TEX19: variants seen among roughly 807,000 people sequenced by gnomAD.
TEX19 encodes the protein testis-expressed protein 19.
For missense variants in TEX19, 184 were observed against 194.4 expected, an observed-to-expected ratio of 0.95 and a Z score of 0.32; for synonymous variants, 77 against 73.9, an observed-to-expected ratio of 1.04 and a Z score of -0.21.
At chr17:82,360,431 A>G (rs1235959586) in intron 1 of TEX19, among the ~76,000 whole-genome samples, 2 of 94,656 alleles carry the variant, frequency 2.1e-5, no homozygotes, top group African/African-American at 9.6e-5. Flanking sequence ...AGTTTCCCTC[A>G]GGTTCCCCCA....
rs868177850 is a variant in TEX19, at chr17:82,362,172, C to T, written c.22C>T (p.Arg8Trp). The change falls in exon 2 of 2, where the codon CGG becomes TGG. Residue 8 changes from arginine (R) to tryptophan (W), a missense_variant. Arg to Trp is a moderately radical substitution (Grantham distance 101). Transcript: ENST00000333437. This position sits in a 1 kb window ranked among gnomAD's most constrained non-coding sequence, Gnocchi z 5.5. Reference protein sequence around the residue: MCPPVSMRYEEEGMSYLY... With the variant: MCPPVSMWYEEEGMSYLY... ...GGCCATGTGCCCTCCGGTCAGCATG[C>T]GGTATGAGGAAGAGGGCATGTCCTA... 9.3e-6 allele frequency: 15 copies of T among 1,610,560 alleles called. No homozygotes were observed. The highest frequency in any genetic ancestry group is 6.7e-5 in the Admixed American group (4 of 59,922).
In TEX19 at chr17:82,362,060, A is replaced by C; in HGVS notation, c.-91A>C. Reference sequence around the variant, plus strand: ...CTTCATCCCTGCCGCCCAGCATCCTACTGGCCTCAGCACCTGTGGCCAGAC... The same window carrying C: ...CTTCATCCCTGCCGCCCAGCATCCTCCTGGCCTCAGCACCTGTGGCCAGAC... On this transcript the variant is annotated 5_prime_UTR_variant, in exon 2 of 2. Coordinates refer to ENST00000333437, the MANE Select transcript of TEX19 (RefSeq NM_207459.4). This position sits in a 1 kb window ranked among gnomAD's most constrained non-coding sequence, Gnocchi z 5.5. 6.8e-7 allele frequency: 1 copy of C among 1,478,136 alleles called. No homozygotes were observed. Among genetic ancestry groups the C allele is most frequent in the South Asian group, 1.3e-5 (1 of 75,510 alleles). The allele number at this position is 1,478,136 out of a possible 1,614,324, so 91.6% of individuals were successfully genotyped here. A position where few individuals can be genotyped will look rare whatever the true frequency, so the allele number is the denominator to read the frequency against.
At position 82,362,156 on chromosome 17, in the gene TEX19, C is replaced by A; in HGVS notation, c.6C>A (p.Cys2Ter). The stretch of plus-strand genomic sequence containing the variant: ...AGTAGGCAGGCAGCCTGGCCATGTG[C>A]CCTCCGGTCAGCATGCGGTATGAGG... M[C>*]PPVSMRYEEE... Residue 2 changes from cysteine (C) to a stop codon, truncating the protein, a stop_gained, in exon 2 of 2, where the codon TGC becomes TGA. Transcript: ENST00000333437. LOFTEE classifies it low-confidence loss of function (END_TRUNC). This position sits in a 1 kb window ranked among gnomAD's most constrained non-coding sequence, Gnocchi z 5.5. 6.2e-7 allele frequency: 1 copy of A among 1,603,806 alleles called. No individual in the cohort carries two copies. The highest frequency in any genetic ancestry group is 1.1e-5 in the South Asian group (1 of 89,560).
chr17:82,361,589 A>AT (rs1555608304), intron 1 of TEX19: 1 of 974,068 alleles, frequency 1.0e-6, no homozygotes, highest in African/African-American at 1.8e-5. Flanking sequence ...GGTTCCCTCA[A>AT]TTTCCATCAG....
At chr17:82,361,831 C>G (rs1351528000) in intron 1 of TEX19, 49 bp from the exon 2 acceptor site, 8 of 1,066,850 alleles carry the variant, frequency 7.5e-6, no homozygotes, top group Non-Finnish European at 8.2e-6. Context: ...CAGTTTGCCC[C>G]CACCCTGCCT....
Position 82,362,726 on chromosome 17 carries a change from C to G in TEX19, c.*81C>G, listed in dbSNP as rs935634766. 6.7e-7 allele frequency: 1 copy of G among 1,487,132 alleles called. No individual in the cohort carries two copies. The highest frequency in any genetic ancestry group is 9.0e-7 in the Non-Finnish European group (1 of 1,115,616). The allele number at this position is 1,487,132 out of a possible 1,614,324, so 92.1% of individuals were successfully genotyped here. On this transcript the variant is annotated 3_prime_UTR_variant, in exon 2 of 2. Coordinates refer to ENST00000333437, the MANE Select transcript of TEX19 (RefSeq NM_207459.4). This position sits in a 1 kb window ranked among gnomAD's most constrained non-coding sequence, Gnocchi z 5.5. ...GCATTACCTGGGCAGTGGACCCTGC[C>G]GAGGCTGAGGCCTAGTTACTGGCCC...
chr17:82,359,843 A>AGGTTCCCCC (rs2052366081), intron 1 of TEX19, among the ~76,000 whole-genome samples: 2 of 50,558 alleles, frequency 4.0e-5, no homozygotes, highest in Non-Finnish European at 3.6e-5. Context: ...AGTTTCCCTC[A>AGGTTCCCCC]AGTTCCCCTC....
intron 1 of TEX19, 155 bp from the exon 2 acceptor site, chr17:82,361,725 C>A (rs2052396356): frequency 1.0e-6 from 1 of 985,266 alleles, no homozygotes. Flanking sequence ...GATGGAGGAA[C>A]TGAAGGCCTC....
chr17:82,361,811 C>A, intron 1 of TEX19, 69 bp from the exon 2 acceptor site: 1 of 1,096,472 alleles, frequency 9.1e-7, no homozygotes, highest in Non-Finnish European at 1.1e-6. Flanking sequence ...CCTGCCCCTG[C>A]TGGTCCCCAC....
chr17:82,361,761 G>A lies in TEX19; in HGVS notation c.-271-119G>A, dbSNP rs1599669327. ...CCAGCCCCGGTGCTGTTCAAACTGA[G>A]CAGGGTCCCCACTAAAGGGCCAGTC... On this transcript the variant is annotated intron_variant, in intron 1 of 1. Coordinates refer to ENST00000333437, the MANE Select transcript of TEX19 (RefSeq NM_207459.4). 22 of 1,054,888 alleles carry A rather than the reference G, an allele frequency of 2.1e-5. No individual in the cohort carries two copies. In the South Asian group the frequency reaches 6.4e-4, roughly 31 times the overall value. The allele number at this position is 1,054,888 out of a possible 1,614,324, so 65.3% of individuals were successfully genotyped here.
intron 1 of TEX19, among the ~76,000 whole-genome samples, chr17:82,360,731 C>A (rs1188628525): frequency 8.4e-6 from 1 of 119,026 alleles, no homozygotes; most frequent in East Asian, 2.7e-4. Flanking sequence ...CTCAAGTTTC[C>A]CTCAGGTTCC....
Position 82,361,972 on chromosome 17 carries a change from G to C in TEX19, c.-179G>C. ...CAGGTCCCCACTGAGCTGGGACCCA[G>C]GTCATCCACCCCACCCCAAATCCCT... On this transcript the variant is annotated 5_prime_UTR_variant, in exon 2 of 2. Transcript: ENST00000333437. 2.3e-6 allele frequency: 2 copies of C among 879,446 alleles called. No individual in the cohort carries two copies. The highest frequency in any genetic ancestry group is 3.4e-6 in the Non-Finnish European group (2 of 594,144). 54.5% of individuals were successfully genotyped at this position (879,446 alleles called of 1,614,324 possible).
At chr17:82,360,045 C>T (rs190109034) in intron 1 of TEX19, among the ~76,000 whole-genome samples, 135 of 109,688 alleles carry the variant, frequency 1.2e-3, no homozygotes, top group South Asian at 1.6e-3. Context: ...CCAGTTTCCC[C>T]CAGGTTCCCC....
At chr17:82,361,606 T>A in intron 1 of TEX19, 1 of 984,818 alleles carries the variant, frequency 1.0e-6, no homozygotes, top group Non-Finnish European at 1.2e-6. Context: ...TCAGGTCCCC[T>A]CAGGCTCTGC....
rs777468964 is a variant in TEX19 at position 82,362,426 on chromosome 17, G to A, written c.276G>A (p.Gln92=). ...GGCAGAGCCCAGGACAGCCTGTGCA[G>A]GGGGGCTCTGAGGCATGGGGGCCAG... ...SWGQSPGQPV[Q]GGSEAWGPGT... Residue 92 remains glutamine (Q), a synonymous_variant, in exon 2 of 2, where the codon CAG becomes CAA. Coordinates refer to ENST00000333437, the MANE Select transcript of TEX19 (RefSeq NM_207459.4). The surrounding 1 kb of genome is among the most constrained non-coding windows in gnomAD (Gnocchi z 5.5). 1 of 1,612,910 alleles carries A rather than the reference G, an allele frequency of 6.2e-7. No homozygotes were observed. The highest frequency in any genetic ancestry group is 1.1e-5 in the South Asian group (1 of 91,074).
intron 1 of TEX19, among the ~76,000 whole-genome samples, chr17:82,361,241 TC>T (rs1204532249): frequency 6.8e-5 from 4 of 58,710 alleles, no homozygotes; most frequent in African/African-American, 3.5e-4. Flanking sequence ...TCCCCCAGTT[TC>T]CCTCAAGTTT....
intron 1 of TEX19, among the ~76,000 whole-genome samples, chr17:82,360,653 AGGTTCCCTCG>A (rs2052379960): frequency 8.7e-6 from 1 of 114,884 alleles, no homozygotes; most frequent in African/African-American, 3.7e-5. Flanking sequence ...AGTTTCCCTC[AGGTTCCCTCG>A]GGTTCCCTCA....
chr17:82,361,193 C>T (rs1835996408), intron 1 of TEX19, among the ~76,000 whole-genome samples: 1 of 106,842 alleles, frequency 9.4e-6, no homozygotes, highest in African/African-American at 4.0e-5. Flanking sequence ...CCTCAGGTTC[C>T]CTCAGTTTCC....
At position 82,361,947 on chromosome 17, in the gene TEX19, C is replaced by T. The variant is rs2052398133; in HGVS notation, c.-204C>T. The T allele has an allele frequency of 3.9e-6, 3 of 765,000 alleles. No homozygotes were observed. The highest frequency in any genetic ancestry group is 1.8e-5 in the African/African-American group (1 of 57,110). 47.4% of individuals were successfully genotyped at this position (765,000 alleles called of 1,614,324 possible). On this transcript the variant is annotated 5_prime_UTR_variant, in exon 2 of 2. Transcript: ENST00000333437. ...CAGAAGTTCAAGCTTCCACCCTCTG[C>T]AGGTCCCCACTGAGCTGGGACCCAG...
Sources: allele counts gnomAD v4.1 joint callset (sites outside exome capture counted in the v4.1 genomes callset), GRCh38; gene constraint gnomAD v4.1.1; non-coding constraint Gnocchi (gnomAD v3.1); transcripts MANE v1.5; gene names NCBI Gene and HGNC (gene_info 2026-07-23, HGNC 2026-07-21).